Variants in USP28 observed in about 807,000 individuals in gnomAD.
USP28 encodes ubiquitin specific peptidase 28, also known as ubiquitin carboxyl-terminal hydrolase 28.
In USP28, 113 loss-of-function variants were observed where a neutral mutation model predicts 145.0. The ratio of observed to expected loss-of-function variants is 0.78; its 90% CI spans 0.67 to 0.91. The LOEUF (loss-of-function observed/expected upper bound fraction) is 0.91, where lower values mean the gene tolerates loss of function less well. USP28 is among the 40% of genes least tolerant of loss of function. USP28 has a pLI of 0.00. For missense variants in USP28, 1,201 were observed against 1,289.6 expected (o/e 0.93, Z 1.05); for synonymous variants, 447 against 450.9 (o/e 0.99, Z 0.11).
Position 113,806,265 on chromosome 11 carries a change from CATT to C in USP28, c.2400+221_2400+223del. On this transcript the variant is annotated intron_variant, in intron 19 of 24. Transcript: ENST00000003302. ...TTTTATTTTTAAAGAGATGGGATCT[CATT>C]ATGTTGCCCAGGCTGGAGTGCAGTG... 3.3e-5 allele frequency among the ~76,000 whole-genome samples: 5 copies of C among 152,056 alleles called. No individual in the cohort carries two copies. The South Asian group carries it at 1.0e-3, about 32-fold the overall frequency.
chr11:113,869,911 C>G (rs966700602), intron 1 of USP28, among the ~76,000 whole-genome samples: 1 of 152,128 alleles, frequency 6.6e-6, no homozygotes, highest in African/African-American at 2.4e-5. Flanking sequence ...GCCTGTAATC[C>G]CAGCACTTTG....
At chr11:113,848,738 C>T (rs1946143120) in intron 3 of USP28, among the ~76,000 whole-genome samples, 1 of 152,138 alleles carries the variant, frequency 6.6e-6, no homozygotes, top group African/African-American at 2.4e-5. Context: ...CTACCTACTC[C>T]TGTAAAACAG....
chr11:113,799,737 A>T (rs138929757), intron 24 of USP28, among the ~76,000 whole-genome samples: 2,659 of 152,344 alleles, frequency 0.017, 38 homozygotes, highest in Non-Finnish European at 0.028. Context: ...TGTTTACAAT[A>T]TATCAGTGTA....
intron 1 of USP28, among the ~76,000 whole-genome samples, chr11:113,867,095 G>A (rs1434819358): frequency 6.6e-6 from 1 of 152,182 alleles, no homozygotes; most frequent in Non-Finnish European, 1.5e-5. Context: ...CGTAAATCTA[G>A]AGACAGAAAG....
rs368055967 is a variant in USP28, at chr11:113,801,778, T to A, written c.2863-100A>T. On this transcript the variant is annotated intron_variant, in intron 23 of 24. Transcript: ENST00000003302. ...AGTGGTTCCCAAACTTTACTGCACA[T>A]TGGATGTACTTAGGGATCTTTAAAA... The A allele has an allele frequency of 5.3e-6, 5 of 939,440 alleles. No individual in the cohort carries two copies. In the East Asian group the frequency reaches 1.1e-4, roughly 20 times the overall value. 58.2% of individuals were successfully genotyped at this position (939,440 alleles called of 1,614,324 possible).
intron 5 of USP28, chr11:113,835,340 T>C (rs1461093371): frequency 8.8e-6 from 4 of 455,822 alleles, no homozygotes; most frequent in Middle Eastern, 3.2e-4. Context: ...AGGTAGATAA[T>C]AGGCAAAACT....
In USP28 at chr11:113,808,248, G is replaced by A. The variant is rs544113735; in HGVS notation, c.2304+50C>T. The A allele has an allele frequency of 1.4e-5, 23 of 1,589,860 alleles. No individual in the cohort carries two copies. The South Asian group carries it at 1.5e-4, about 11-fold the overall frequency. ...TAGAAATGTGAGAAAACTGGCCATCGCTGCTGAAAGCCCGGCTCTCCTGAA... is the reference window on the plus strand; with the variant it reads ...TAGAAATGTGAGAAAACTGGCCATCACTGCTGAAAGCCCGGCTCTCCTGAA... On this transcript the variant is annotated intron_variant, in intron 18 of 24. Transcript: ENST00000003302.
intron 1 of USP28, among the ~76,000 whole-genome samples, chr11:113,863,255 A>AT (rs781632710): frequency 6.6e-6 from 1 of 152,170 alleles, no homozygotes; most frequent in Non-Finnish European, 1.5e-5. Flanking sequence ...CAAAAAGGAA[A>AT]TTAAAAAAAA....
At chr11:113,824,614 T>C (rs1225036114) in intron 11 of USP28, among the ~76,000 whole-genome samples, 1 of 149,940 alleles carries the variant, frequency 6.7e-6, no homozygotes, top group African/African-American at 2.4e-5. Flanking sequence ...CCACCATGTC[T>C]GGCCGAAAAA....
chr11:113,848,088 T>G (rs1232268867), intron 3 of USP28, among the ~76,000 whole-genome samples: 2 of 151,868 alleles, frequency 1.3e-5, no homozygotes, highest in Non-Finnish European at 2.9e-5. Context: ...AGGAAGTGAG[T>G]AAAGAAAACA....
chr11:113,834,326 G>C (rs539823079), exon 6 of USP28: 1 of 1,607,782 alleles, frequency 6.2e-7, no homozygotes, highest in Non-Finnish European at 8.5e-7. Flanking sequence ...TCAGGCAATT[G>C]AAAGAGAGAC....
At chr11:113,803,372 T>G in intron 22 of USP28, 91 bp from the exon 24 acceptor site, 2 of 1,380,980 alleles carry the variant, frequency 1.4e-6, no homozygotes, top group Non-Finnish European at 1.9e-6. Context: ...AAGAACCTAC[T>G]TGGCTGCAAT....
chr11:113,875,171 C>A (rs912656934), intron 1 of USP28, among the ~76,000 whole-genome samples: 1 of 152,186 alleles, frequency 6.6e-6, no homozygotes, highest in East Asian at 1.9e-4. Flanking sequence ...CGGCGGAGAA[C>A]CCCACGTCCA....
rs575072978 is a variant in USP28 at position 113,799,410 on chromosome 11, G to A, written c.3064C>T (p.Leu1022=). Reference sequence around the variant, plus strand: ...AGAAACTCCCCTAGGCACAGCTGCAGATTTTCTGTGGAGGGAAAACAGATG... The same window carrying A: ...AGAAACTCCCCTAGGCACAGCTGCAAATTTTCTGTGGAGGGAAAACAGATG... Residue 1022 remains leucine (L), a synonymous_variant, in exon 25 of 25, where the codon CTG becomes TTG. Coordinates refer to ENST00000003302, the Ensembl canonical transcript of USP28. The A allele has an allele frequency of 2.5e-6, 4 of 1,612,512 alleles. No homozygotes were observed. The East Asian group carries it at 8.9e-5, about 36-fold the overall frequency.
chr11:113,822,841 C>T (rs965655286), intron 12 of USP28, among the ~76,000 whole-genome samples: 2 of 152,008 alleles, frequency 1.3e-5, no homozygotes, highest in Non-Finnish European at 2.9e-5. Context: ...GCAGTGGTAG[C>T]GGTGGGGGTA....
intron 12 of USP28, chr11:113,822,480 GAGAGAGAGAGA>G (rs1942766790): frequency 6.6e-6 from 1 of 151,592 alleles, no homozygotes; most frequent in Admixed American, 6.6e-5. Flanking sequence ...GAGAGAGAGA[GAGAGAGAGAGA>G]GAGAGAGAGA....
At chr11:113,806,518 G>C in exon 19 of USP28, 2 of 1,610,668 alleles carry the variant, frequency 1.2e-6, no homozygotes, top group Non-Finnish European at 1.7e-6. Flanking sequence ...GACCCATCTC[G>C]GTCAAAGGTC....
chr11:113,803,083 G>A, intron 23 of USP28, 75 bp downstream of exon 24: 1 of 1,444,320 alleles, frequency 6.9e-7, no homozygotes, highest in Non-Finnish European at 9.2e-7. Context: ...TGTTTTGAAA[G>A]CCATATATTT....
chr11:113,869,121 T>A (rs370095149), intron 1 of USP28, among the ~76,000 whole-genome samples: 94 of 151,620 alleles, frequency 6.2e-4, no homozygotes, highest in Admixed American at 3.5e-3. Context: ...AGAGACCCCA[T>A]TGCTAAAAAA....
Sources: gnomAD v4.1 joint callset for allele counts (sites outside exome capture counted in the v4.1 genomes callset) on GRCh38, gnomAD v4.1.1 for gene constraint, MANE v1.5 for transcripts, NCBI Gene and HGNC (gene_info 2026-07-23, HGNC 2026-07-21) for gene names.